Variants in PCDHGB5 observed in about 807,000 individuals in gnomAD.
PCDHGB5 encodes the protein protocadherin gamma subfamily B, 5, also known as protocadherin gamma-B5.
PCDHGB5 carries 48 observed loss-of-function variants against 62.9 expected under a neutral mutation model. The ratio of observed to expected loss-of-function variants is 0.76; its 90% CI spans 0.61 to 0.97. The LOEUF is 0.97. Among genes scored for constraint, PCDHGB5 ranks in the 50% least tolerant of loss-of-function variants. The probability of loss-of-function intolerance (pLI) is 0.00; values close to 1 mark genes in which losing one functional copy is unlikely to be tolerated. For synonymous variants in PCDHGB5, 474 were observed against 511.2 expected, an observed-to-expected ratio of 0.93 and a Z score of 0.98; for missense variants, 1,118 against 1,198.6, an observed-to-expected ratio of 0.93 and a Z score of 0.99.
At chr5:141,402,353 GA>G (rs1261209598) in intron 1 of PCDHGB5, among the ~76,000 whole-genome samples, 2 of 151,844 alleles carry the variant, frequency 1.3e-5, no homozygotes, top group Non-Finnish European at 2.9e-5. Context: ...AATTAAAAAT[GA>G]ATGTACTTCC....
rs762908598 is a variant in PCDHGB5 at position 141,491,157 on chromosome 5, T to A, written c.2398-3650T>A. The A allele has an allele frequency of 3.7e-6, 6 of 1,614,108 alleles. No homozygotes were observed. The Admixed American group carries it at 8.3e-5, about 22-fold the overall frequency. On this transcript the variant is annotated intron_variant, in intron 1 of 3. Transcript: ENST00000617380. The surrounding 1 kb of genome is among the most constrained non-coding windows in gnomAD (Gnocchi z 6.9). ...CCCGGGCCTTACTGGAGGATGACTC[T>A]GACACCCAGCAGGTGGTGGTCCTGG...
rs779317191 is a variant in PCDHGB5, at chr5:141,432,553, C to G, written c.2397+32029C>G. The G allele has an allele frequency of 2.6e-5, 42 of 1,613,748 alleles. No individual in the cohort carries two copies. The highest frequency in any genetic ancestry group is 2.0e-4 in the South Asian group (18 of 91,068). The stretch of plus-strand genomic sequence containing the variant: ...AGGTGGTGGCGGTGGACAGAGACTC[C>G]GGCCAGAACGCCTGGCTGTCCTACC... On this transcript the variant is annotated intron_variant, in intron 1 of 3. Coordinates refer to ENST00000617380, the MANE Select transcript of PCDHGB5 (RefSeq NM_018925.3). The surrounding 1 kb of genome is among the most constrained non-coding windows in gnomAD (Gnocchi z 6.0).
chr5:141,453,669 G>T (rs1390396079), intron 1 of PCDHGB5, among the ~76,000 whole-genome samples: 1 of 152,034 alleles, frequency 6.6e-6, no homozygotes, highest in Non-Finnish European at 1.5e-5. Context: ...TTACACAAAA[G>T]GTAACACACT....
intron 2 of PCDHGB5, among the ~76,000 whole-genome samples, chr5:141,500,187 TA>T (rs56304898): frequency 0.051 from 5,679 of 110,700 alleles, 126 homozygotes; most frequent in Middle Eastern, 0.14. Flanking sequence ...TTTTTATTTT[TA>T]TTTATTTATT....
chr5:141,492,398 C>T (rs1347317333), intron 1 of PCDHGB5, among the ~76,000 whole-genome samples: 2 of 152,244 alleles, frequency 1.3e-5, no homozygotes, highest in Non-Finnish European at 1.5e-5. Flanking sequence ...CCACTCGCAG[C>T]TCCCCTCTGC....
intron 1 of PCDHGB5, among the ~76,000 whole-genome samples, chr5:141,463,642 G>A (rs573143516): frequency 6.6e-6 from 1 of 151,750 alleles, no homozygotes; most frequent in South Asian, 2.1e-4. Context: ...TAGTAGAGAC[G>A]GGGTTTCACC....
At chr5:141,419,793 C>T in intron 1 of PCDHGB5, 1 of 1,614,072 alleles carries the variant, frequency 6.2e-7, no homozygotes, top group East Asian at 2.2e-5. Flanking sequence ...CTGCTAGTCG[C>T]TGTAAGAGAT....
chr5:141,406,600 G>A (rs1172246444), intron 1 of PCDHGB5, among the ~76,000 whole-genome samples: 2 of 152,144 alleles, frequency 1.3e-5, no homozygotes, highest in African/African-American at 4.8e-5. Flanking sequence ...AATGGTGAAA[G>A]TTGTCACATC....
At chr5:141,496,808 G>A (rs1387209844) in intron 2 of PCDHGB5, among the ~76,000 whole-genome samples, 3 of 151,736 alleles carry the variant, frequency 2.0e-5, no homozygotes, top group South Asian at 4.2e-4. Flanking sequence ...GGCTATAGGA[G>A]TGAACAAGTA....
At chr5:141,508,535 C>CA (rs1426956469) in intron 3 of PCDHGB5, among the ~76,000 whole-genome samples, 1 of 152,172 alleles carries the variant, frequency 6.6e-6, no homozygotes, top group Admixed American at 6.5e-5. Flanking sequence ...GGGCACCCCC[C>CA]ACGAGGTGGG....
At chr5:141,404,265 T>G in intron 1 of PCDHGB5, 1 of 1,613,998 alleles carries the variant, frequency 6.2e-7, no homozygotes, top group Non-Finnish European at 8.5e-7. Context: ...GAAATTCACA[T>G]CACCCTGCAA....
rs567174433 is a variant in PCDHGB5, at chr5:141,443,351, G to A, written c.2397+42827G>A. On this transcript the variant is annotated intron_variant, in intron 1 of 3. Coordinates refer to ENST00000617380, the MANE Select transcript of PCDHGB5 (RefSeq NM_018925.3). ...AAAACAAAAATTAACAAGGTTTAGT[G>A]GTCCATGCCTGTGGTCTCAGCTACT... 6.6e-5 allele frequency among the ~76,000 whole-genome samples: 10 copies of A among 152,072 alleles called. No homozygotes were observed. The South Asian group carries it at 2.1e-3, about 32-fold the overall frequency.
chr5:141,497,793 G>A (rs2099779480), intron 2 of PCDHGB5, among the ~76,000 whole-genome samples: 1 of 152,180 alleles, frequency 6.6e-6, no homozygotes, highest in Admixed American at 6.5e-5. Flanking sequence ...ACCTGCTTCA[G>A]CTTCCCAAAG....
Position 141,476,543 on chromosome 5 carries a change from G to A in PCDHGB5, c.2398-18264G>A, listed in dbSNP as rs1419273574. 1 of 1,614,220 alleles carries A rather than the reference G, an allele frequency of 6.2e-7. No individual in the cohort carries two copies. Among genetic ancestry groups the A allele is most frequent in the South Asian group, 1.1e-5 (1 of 91,084 alleles). On this transcript the variant is annotated intron_variant, in intron 1 of 3. Transcript: ENST00000617380. The surrounding 1 kb of genome is among the most constrained non-coding windows in gnomAD (Gnocchi z 7.6). ...TTTCCCTACCCAGGAAATGAAATTG[G>A]AGATTAGCGAGGCCGTGGCTCCGGG...
chr5:141,408,556 T>C (rs1215804867), intron 1 of PCDHGB5: 3 of 1,613,940 alleles, frequency 1.9e-6, no homozygotes, highest in Non-Finnish European at 2.5e-6. Context: ...ATATTTTTCA[T>C]GTCATTGTGG....
chr5:141,439,625 CCA>C (rs1281773200), intron 1 of PCDHGB5, among the ~76,000 whole-genome samples: 1 of 152,150 alleles, frequency 6.6e-6, no homozygotes, highest in African/African-American at 2.4e-5. Flanking sequence ...GAGCCAATCC[CCA>C]GACATTCCGG....
At position 141,494,880 on chromosome 5, in the gene PCDHGB5, C is replaced by G. The variant is rs950094823; in HGVS notation, c.2456+15C>G. On this transcript the variant is annotated intron_variant, in intron 2 of 3. Transcript: ENST00000617380. ...GGCACCAGCGGGTAGGTGACTGATT[C>G]TCCAGCCCACCCTCTTCTCTGCGGC... The G allele has an allele frequency of 3.7e-6, 6 of 1,614,040 alleles. No individual in the cohort carries two copies. The African/African-American group carries it at 6.7e-5, about 18-fold the overall frequency.
At chr5:141,466,054 G>A (rs2099115921) in intron 1 of PCDHGB5, among the ~76,000 whole-genome samples, 1 of 152,080 alleles carries the variant, frequency 6.6e-6, no homozygotes, top group Non-Finnish European at 1.5e-5. Context: ...CCCAGGAGAC[G>A]GAGCTTGCAG....
intron 1 of PCDHGB5, chr5:141,415,217 GCTTCGAGTCT>G: frequency 2.5e-6 from 4 of 1,614,124 alleles, no homozygotes; most frequent in Non-Finnish European, 3.4e-6. Context: ...GACCTCGGCA[GCTTCGAGTCT>G]CCAGCTAACT....
Sources: allele counts gnomAD v4.1 joint callset (sites outside exome capture counted in the v4.1 genomes callset), GRCh38; gene constraint gnomAD v4.1.1; non-coding constraint Gnocchi (gnomAD v3.1); transcripts MANE v1.5; gene names NCBI Gene and HGNC (gene_info 2026-07-23, HGNC 2026-07-21).